The following THSD7B variants were observed in gnomAD, a reference collection of about 807,000 sequenced individuals.
The protein encoded by THSD7B is thrombospondin type-1 domain-containing protein 7B.
THSD7B carries 138 observed loss-of-function variants against 213.6 expected under a neutral mutation model. The observed-to-expected ratio is 0.65, with a 90% CI of 0.56 to 0.74. THSD7B has a LOEUF of 0.74. Among genes scored for constraint, THSD7B ranks in the 30% least tolerant of loss-of-function variants. THSD7B has a pLI of 0.00. For synonymous variants in THSD7B, 742 were observed against 687.0 expected (o/e 1.08, Z -1.25); for missense variants, 1,931 against 1,991.5 (o/e 0.97, Z 0.58).
chr2:137,570,824 G>A (rs976167272), intron 16 of THSD7B, among the ~76,000 whole-genome samples: 5 of 152,236 alleles, frequency 3.3e-5, no homozygotes, highest in East Asian at 1.9e-4. Context: ...ACACCCAGGC[G>A]AGGACTTAGT....
intron 12 of THSD7B, among the ~76,000 whole-genome samples, chr2:137,325,210 CAGAA>C (rs1684344280): frequency 6.7e-6 from 1 of 150,124 alleles, no homozygotes; most frequent in Non-Finnish European, 1.5e-5. Context: ...TGGTCACAGA[CAGAA>C]ACTCCACATC....
At chr2:136,887,275 G>A (rs1289916265) in intron 2 of THSD7B, among the ~76,000 whole-genome samples, 1 of 146,158 alleles carries the variant, frequency 6.8e-6, no homozygotes, top group Non-Finnish European at 1.5e-5. Flanking sequence ...AATACGTTCT[G>A]AAATAGAAGA....
intron 10 of THSD7B, among the ~76,000 whole-genome samples, chr2:137,262,468 AT>A (rs889898576): frequency 2.0e-5 from 3 of 152,058 alleles, no homozygotes; most frequent in Non-Finnish European, 2.9e-5. Context: ...AAAAAAAAAA[AT>A]AAATCCCTGT....
intron 17 of THSD7B, among the ~76,000 whole-genome samples, chr2:137,602,798 A>G (rs1682100377): frequency 6.6e-6 from 1 of 152,150 alleles, no homozygotes; most frequent in African/African-American, 2.4e-5. Flanking sequence ...CCACCTCTCA[A>G]CACAGTTGCA....
At chr2:136,851,428 A>G (rs1393691855) in intron 1 of THSD7B, among the ~76,000 whole-genome samples, 1 of 152,244 alleles carries the variant, frequency 6.6e-6, no homozygotes, top group Non-Finnish European at 1.5e-5. Context: ...TAAATTCTCC[A>G]GTAATACTTT....
At chr2:137,412,777 G>A (rs553075724) in intron 14 of THSD7B, among the ~76,000 whole-genome samples, 2 of 151,656 alleles carry the variant, frequency 1.3e-5, no homozygotes, top group East Asian at 3.9e-4. Context: ...GAAAGATCTG[G>A]GTGTATGGAA....
Position 137,257,373 on chromosome 2 carries a change from G to T in THSD7B, c.2266+14801G>T, listed in dbSNP as rs1682335683. Among the ~76,000 whole-genome samples the T allele has an allele frequency of 2.0e-5, 3 of 152,144 alleles. No individual in the cohort carries two copies. In the South Asian group the frequency reaches 6.2e-4, roughly 32 times the overall value. On this transcript the variant is annotated intron_variant, in intron 10 of 27. Coordinates refer to ENST00000409968, the MANE Select transcript of THSD7B (RefSeq NM_001316349.2). The stretch of plus-strand genomic sequence containing the variant: ...CTCAACGGATTTAATAGAAACAGTA[G>T]TAAGCAATTGGCTGGATTTCAGCAA...
At position 137,611,532 on chromosome 2, in the gene THSD7B, A is replaced by G. The variant is rs564841359; in HGVS notation, c.3424-4643A>G. Among the ~76,000 whole-genome samples, 87 of 152,280 alleles carry G rather than the reference A, an allele frequency of 5.7e-4. 1 individual carries two copies. The Middle Eastern group carries it at 0.031, about 54-fold the overall frequency. Reference sequence around the variant, plus strand: ...TCTACCTTATAAGGCAGTTATAAGGATGAAATGAGTTAAAGAACTTAGAAT... The same window carrying G: ...TCTACCTTATAAGGCAGTTATAAGGGTGAAATGAGTTAAAGAACTTAGAAT... On this transcript the variant is annotated intron_variant, in intron 17 of 27. Transcript: ENST00000409968.
chr2:136,894,409 C>G (rs1413960491), intron 2 of THSD7B, among the ~76,000 whole-genome samples: 2 of 152,278 alleles, frequency 1.3e-5, no homozygotes, highest in East Asian at 1.9e-4. Flanking sequence ...AGCATGGACA[C>G]TGGAATCAGG....
chr2:137,409,132 C>G (rs756739059), intron 13 of THSD7B, among the ~76,000 whole-genome samples: 1 of 152,210 alleles, frequency 6.6e-6, no homozygotes, highest in African/African-American at 2.4e-5. Context: ...TGGTAAGCCA[C>G]TTCAGAGTTT....
chr2:137,591,610 TA>T (rs1238061029), intron 17 of THSD7B, among the ~76,000 whole-genome samples: 2 of 151,946 alleles, frequency 1.3e-5, no homozygotes, highest in African/African-American at 4.8e-5. Context: ...TGGTTCCATG[TA>T]TTATGTTTTT....
At chr2:136,889,866 T>C (rs1391765637) in intron 2 of THSD7B, among the ~76,000 whole-genome samples, 1 of 152,210 alleles carries the variant, frequency 6.6e-6, no homozygotes, top group Admixed American at 6.5e-5. Flanking sequence ...GTTTCTCTTC[T>C]TTGCCTTTAT....
intron 2 of THSD7B, among the ~76,000 whole-genome samples, chr2:137,046,042 A>G (rs1223318503): frequency 1.3e-5 from 2 of 152,062 alleles, no homozygotes; most frequent in Non-Finnish European, 2.9e-5. Flanking sequence ...AAAATCATCA[A>G]CCCATTGATG....
intron 7 of THSD7B, among the ~76,000 whole-genome samples, chr2:137,222,558 C>T (rs1681394434): frequency 6.6e-6 from 1 of 152,168 alleles, no homozygotes; most frequent in Admixed American, 6.5e-5. Context: ...TGAGATGTTG[C>T]AGTCTGCTTT....
intron 5 of THSD7B, among the ~76,000 whole-genome samples, chr2:137,118,800 A>G (rs1025345997): frequency 6.6e-6 from 1 of 152,154 alleles, no homozygotes; most frequent in Non-Finnish European, 1.5e-5. Context: ...CTGGATAATT[A>G]ATAAAGAAAA....
At chr2:136,864,006 CGGAG>C (rs1683294325) in intron 1 of THSD7B, among the ~76,000 whole-genome samples, 1 of 152,080 alleles carries the variant, frequency 6.6e-6, no homozygotes, top group Non-Finnish European at 1.5e-5. Context: ...TGCTGCATGA[CGGAG>C]GGAGAGGCAT....
chr2:137,361,777 G>A (rs1053111220), intron 12 of THSD7B, among the ~76,000 whole-genome samples: 11 of 152,116 alleles, frequency 7.2e-5, no homozygotes, highest in African/African-American at 1.2e-4. Flanking sequence ...TGAAAGTGAC[G>A]GGGAGAATGG....
At position 137,492,181 on chromosome 2, in the gene THSD7B, A is replaced by G. The variant is rs1679426232; in HGVS notation, c.3138+41158A>G. Among the ~76,000 whole-genome samples the G allele has an allele frequency of 5.3e-5, 8 of 152,214 alleles. No individual in the cohort carries two copies. In the South Asian group the frequency reaches 1.7e-3, roughly 32 times the overall value. On this transcript the variant is annotated intron_variant, in intron 15 of 27. Transcript: ENST00000409968. ...AAGGGAAATGAAACTCCATTTGCCT[A>G]CTTTCTGAACAAGTTCCAAACCCAC...
chr2:137,325,204 CACAG>C (rs1177079192), intron 12 of THSD7B, among the ~76,000 whole-genome samples: 5 of 107,972 alleles, frequency 4.6e-5, no homozygotes, highest in African/African-American at 1.4e-4. Context: ...AGCTTCTGGT[CACAG>C]ACAGAAACTC....
Sources: allele counts gnomAD v4.1 joint callset (sites outside exome capture counted in the v4.1 genomes callset), GRCh38; gene constraint gnomAD v4.1.1; transcripts MANE v1.5; gene names NCBI Gene and HGNC (gene_info 2026-07-23, HGNC 2026-07-21).